IQSEC1: variants seen among roughly 807,000 people sequenced by gnomAD.
The protein encoded by IQSEC1 is IQ motif and SEC7 domain-containing protein 1.
IQSEC1 carries 31 observed loss-of-function variants against 91.0 expected under a neutral mutation model. That is an observed-to-expected ratio of 0.34 (90% confidence interval 0.26 to 0.46). IQSEC1 has a LOEUF of 0.46. Ranked by LOEUF, IQSEC1 falls within the 20% of genes least tolerant of loss-of-function variation. IQSEC1 has a pLI of 1.00. For synonymous variants in IQSEC1, 699 were observed against 662.6 expected, an observed-to-expected ratio of 1.05 and a Z score of -0.84; for missense variants, 1,388 against 1,575.6, an observed-to-expected ratio of 0.88 and a Z score of 2.02.
intron 1 of IQSEC1, among the ~76,000 whole-genome samples, chr3:13,244,928 T>C (rs1370530034): frequency 1.3e-5 from 2 of 152,146 alleles, no homozygotes; most frequent in Non-Finnish European, 1.5e-5. Flanking sequence ...TTCCCATGCC[T>C]CTGAGGACTA....
chr3:13,110,075 G>A (rs1479409138), intron 2 of IQSEC1, among the ~76,000 whole-genome samples: 10 of 151,290 alleles, frequency 6.6e-5, no homozygotes, highest in Non-Finnish European at 1.3e-4. Context: ...TAGAGAGAAG[G>A]TTTCCCATGT....
chr3:12,935,355 A>G lies in IQSEC1; in HGVS notation c.1568+93T>C. On this transcript the variant is annotated intron_variant, in intron 3 of 13. Transcript: ENST00000613206. The surrounding 1 kb of genome is among the most constrained non-coding windows in gnomAD (Gnocchi z 8.0). ...ATGCTCATAGGCCACGGTGGACCTC[A>G]AGCTCCGTGCTTGGAAGGATGCAGC... 3 of 1,296,042 alleles carry G rather than the reference A, an allele frequency of 2.3e-6. No individual in the cohort carries two copies. Among genetic ancestry groups the G allele is most frequent in the Non-Finnish European group, 3.2e-6 (3 of 929,792 alleles). 80.3% of individuals were successfully genotyped at this position (1,296,042 alleles called of 1,614,324 possible). A position where few individuals can be genotyped will look rare whatever the true frequency, so the allele number is the denominator to read the frequency against.
At chr3:13,005,167 G>A (rs1428360868) in intron 1 of IQSEC1, among the ~76,000 whole-genome samples, 3 of 152,146 alleles carry the variant, frequency 2.0e-5, no homozygotes, top group Non-Finnish European at 2.9e-5. Flanking sequence ...GGGTTAATAT[G>A]GCATGGGGGC....
At position 13,240,030 on chromosome 3, in the gene IQSEC1, A is replaced by G. The variant is rs377482982; in HGVS notation, c.272+42681T>C. Among the ~76,000 whole-genome samples the G allele has an allele frequency of 2.0e-5, 3 of 152,172 alleles. 1 individual carries two copies. Among genetic ancestry groups the G allele is most frequent in the Admixed American group, 2.0e-4 (3 of 15,280 alleles). On this transcript the variant is annotated intron_variant, in intron 1 of 15. Coordinates refer to the IQSEC1 transcript ENST00000648114. ...AAAACTGGTTAAAAGGGTAAGTTTT[A>G]TGTTATGCATATTTTGTAACAATTC...
At chr3:13,077,026 CTTTCT>C (rs1024732441), upstream of IQSEC1, among the ~76,000 whole-genome samples, 3 of 82,152 alleles carry the variant, frequency 3.7e-5, no homozygotes, top group African/African-American at 1.1e-4. Flanking sequence ...AAATTTCTTT[CTTTCT>C]TTTTTTTTTT....
At position 12,979,438 on chromosome 3, in the gene IQSEC1, A is replaced by G. The variant is rs1383274925; in HGVS notation, c.24-37573T>C. On this transcript the variant is annotated intron_variant, in intron 1 of 13. Transcript: ENST00000613206. This position sits in a 1 kb window ranked among gnomAD's most constrained non-coding sequence, Gnocchi z 4.3. ...GAGATACAAGACATAGTGCTACATG[A>G]AAAAGGTAAGCTGAAGAATGCTGGA... 6.6e-6 allele frequency among the ~76,000 whole-genome samples: 1 copy of G among 152,176 alleles called. No individual in the cohort carries two copies. The highest frequency in any genetic ancestry group is 2.4e-5 in the African/African-American group (1 of 41,426).
intron 1 of IQSEC1, among the ~76,000 whole-genome samples, chr3:13,201,869 T>C (rs1415331341): frequency 1.3e-5 from 2 of 152,276 alleles, no homozygotes; most frequent in Non-Finnish European, 2.9e-5. Flanking sequence ...AGTTCATTTA[T>C]AGTCATAAAC....
At chr3:13,153,790 G>A (rs990357775) in intron 2 of IQSEC1, among the ~76,000 whole-genome samples, 2 of 152,222 alleles carry the variant, frequency 1.3e-5, no homozygotes, top group South Asian at 2.1e-4. Flanking sequence ...CAGCTGGGCA[G>A]TGAGGTCTTT....
At chr3:13,030,805 G>C (rs1415734542) in intron 1 of IQSEC1, among the ~76,000 whole-genome samples, 1 of 152,210 alleles carries the variant, frequency 6.6e-6, no homozygotes, top group African/African-American at 2.4e-5. Context: ...GCATGGAGTG[G>C]GTGGAAGAAA....
chr3:13,131,688 T>C (rs1174101614), intron 2 of IQSEC1, among the ~76,000 whole-genome samples: 1 of 152,126 alleles, frequency 6.6e-6, no homozygotes, highest in Non-Finnish European at 1.5e-5. Flanking sequence ...GGTTTCATCA[T>C]GTTGGCCAGG....
chr3:12,905,316 C>T (rs1275142710), intron 12 of IQSEC1, among the ~76,000 whole-genome samples: 2 of 152,276 alleles, frequency 1.3e-5, no homozygotes, highest in Non-Finnish European at 1.5e-5. Context: ...CAGGGCGTAA[C>T]GTGGCAGTGC....
chr3:13,038,223 G>A (rs1704107276), intron 1 of IQSEC1, among the ~76,000 whole-genome samples: 1 of 127,510 alleles, frequency 7.8e-6, no homozygotes, highest in African/African-American at 2.9e-5. Context: ...AATATATAAG[G>A]ATATATAAAT....
intron 1 of IQSEC1, among the ~76,000 whole-genome samples, chr3:12,989,445 G>A (rs984731077): frequency 3.9e-5 from 6 of 152,218 alleles, no homozygotes; most frequent in African/African-American, 1.4e-4. Context: ...ACTGCCTTAG[G>A]AGGTGGGTAC....
At chr3:13,132,341 T>C (rs779977542) in intron 2 of IQSEC1, among the ~76,000 whole-genome samples, 1 of 152,194 alleles carries the variant, frequency 6.6e-6, no homozygotes, top group Non-Finnish European at 1.5e-5. Context: ...CCCTCTACTT[T>C]TGAGGGCCAG....
intron 1 of IQSEC1, among the ~76,000 whole-genome samples, chr3:12,957,135 T>C (rs1243043893): frequency 3.3e-5 from 5 of 152,318 alleles, no homozygotes; most frequent in Non-Finnish European, 7.3e-5. Flanking sequence ...TCTCTGTGCC[T>C]GCATAGAGGG....
At chr3:13,170,200 T>C (rs1442312240) in intron 1 of IQSEC1, among the ~76,000 whole-genome samples, 1 of 152,248 alleles carries the variant, frequency 6.6e-6, no homozygotes, top group Non-Finnish European at 1.5e-5. Context: ...GCTCAGGTTG[T>C]GGCTTCAGAG....
intron 1 of IQSEC1, among the ~76,000 whole-genome samples, chr3:13,231,737 A>G (rs1237375075): frequency 1.3e-5 from 2 of 152,266 alleles, no homozygotes; most frequent in African/African-American, 4.8e-5. Context: ...TACTATGCCA[A>G]GACCCTAACT....
intron 1 of IQSEC1, among the ~76,000 whole-genome samples, chr3:13,179,604 A>G (rs1260932591): frequency 1.3e-5 from 2 of 152,270 alleles, no homozygotes; most frequent in Non-Finnish European, 2.9e-5. Context: ...CAGTCCTCAC[A>G]GCCCTCGCTC....
chr3:13,148,326 C>G (rs1706931213), intron 2 of IQSEC1, among the ~76,000 whole-genome samples: 1 of 152,116 alleles, frequency 6.6e-6, no homozygotes, highest in Admixed American at 6.5e-5. Flanking sequence ...TCCGGGGGCC[C>G]TCGGTCACAT....
Sources: gnomAD v4.1 joint callset for allele counts (sites outside exome capture counted in the v4.1 genomes callset) on GRCh38, gnomAD v4.1.1 for gene constraint, Gnocchi (gnomAD v3.1) non-coding constraint, MANE v1.5 for transcripts, NCBI Gene and HGNC (gene_info 2026-07-23, HGNC 2026-07-21) for gene names.